Variants in HPS4 observed in about 807,000 individuals in gnomAD.
HPS4 encodes the protein HPS4 biogenesis of lysosomal organelles complex 3 subunit 2.
In HPS4, 44 loss-of-function variants were observed where a neutral mutation model predicts 70.3. That is an observed-to-expected ratio of 0.63 (90% confidence interval 0.49 to 0.80). The LOEUF is 0.80. HPS4 is among the 30% of genes least tolerant of loss of function. HPS4 has a pLI of 0.00. For synonymous variants in HPS4, 377 were observed against 355.9 expected, an observed-to-expected ratio of 1.06 and a Z score of -0.67; for missense variants, 873 against 884.4, an observed-to-expected ratio of 0.99 and a Z score of 0.16.
At chr22:26,479,505 T>C (rs1473290334) in intron 2 of HPS4, 150 bp from the exon 3 acceptor site, 2 of 1,457,464 alleles carry the variant, frequency 1.4e-6, no homozygotes, top group South Asian at 1.5e-5. Flanking sequence ...CCCCAGTAGC[T>C]ACAAATTAGA....
chr22:26,459,154 A>AT (rs1569035547), intron 11 of HPS4, among the ~76,000 whole-genome samples: 1 of 152,200 alleles, frequency 6.6e-6, no homozygotes, highest in Non-Finnish European at 1.5e-5. Flanking sequence ...CCCTCACTGG[A>AT]TGTAACACGG....
intron 11 of HPS4, among the ~76,000 whole-genome samples, chr22:26,460,663 T>A (rs554881077): frequency 6.6e-5 from 10 of 152,236 alleles, no homozygotes; most frequent in Non-Finnish European, 1.3e-4. Flanking sequence ...AGATGCTATG[T>A]CAGATGACAT....
chr22:26,468,615 C>A lies in HPS4; in HGVS notation c.605G>T (p.Ser202Ile), dbSNP rs1371243479. The A allele has an allele frequency of 3.7e-6, 6 of 1,613,804 alleles. No homozygotes were observed. The highest frequency in any genetic ancestry group is 5.1e-6 in the Non-Finnish European group (6 of 1,179,810). Residue 202 changes from serine (S) to isoleucine (I), a missense_variant, in exon 8 of 14, where the codon AGC becomes ATC. Ser to Ile is a moderately radical substitution (Grantham distance 142). Transcript: ENST00000398145. ...GGTGAGGGAGGGCGGGAGTTGGGTG[C>A]TGACAATCCTAGGAGGTCACACACA... ...GCILYKGLIV[S>I]TQLPPSLTAK...
intron 8 of HPS4, 98 bp downstream of exon 8, chr22:26,468,453 C>T (rs1018304739): frequency 3.5e-5 from 37 of 1,049,826 alleles, no homozygotes; most frequent in Non-Finnish European, 5.4e-5. Context: ...AGTGAAACAA[C>T]TGCTCCACGG....
chr22:26,478,555 A>T (rs2090882964), intron 3 of HPS4, among the ~76,000 whole-genome samples: 2 of 120,836 alleles, frequency 1.7e-5, no homozygotes, highest in East Asian at 2.6e-4. Context: ...TGGGTGACAG[A>T]GTGAGCCTCC....
At position 26,464,333 on chromosome 22, in the gene HPS4, T is replaced by C; in HGVS notation, c.1297A>G (p.Met433Val). The change falls in exon 11 of 14, where the codon ATG becomes GTG. Residue 433 changes from methionine to valine, a missense_variant. Met to Val is a conservative substitution (Grantham distance 21, BLOSUM62 1). Transcript: ENST00000398145. ...SSLRPPSAPE[M>V]LTQHGAQEQL... ...TCTTGGGCTCCATGCTGGGTCAGCA[T>C]CTCAGGAGCAGAGGGAGGGCGCAAG... 6.2e-7 allele frequency: 1 copy of C among 1,614,084 alleles called. No homozygotes were observed. Among genetic ancestry groups the C allele is most frequent in the Non-Finnish European group, 8.5e-7 (1 of 1,180,014 alleles).
Position 26,452,906 on chromosome 22 carries a change from C to A in HPS4, c.*327G>T. 3.0e-6 allele frequency: 1 copy of A among 337,126 alleles called. No homozygotes were observed. Among genetic ancestry groups the A allele is most frequent in the Non-Finnish European group, 5.6e-6 (1 of 177,920 alleles). 20.9% of individuals were successfully genotyped at this position (337,126 alleles called of 1,614,324 possible). A position where few individuals can be genotyped will look rare whatever the true frequency, so the allele number is the denominator to read the frequency against. ...AATGCCAACTTGGAAGCTTGTGGCACCAATTCAAGCTGGGATGGAACAGCA... is the reference window on the plus strand; with the variant it reads ...AATGCCAACTTGGAAGCTTGTGGCAACAATTCAAGCTGGGATGGAACAGCA... On this transcript the variant is annotated 3_prime_UTR_variant, in exon 14 of 14. Coordinates refer to ENST00000398145, the MANE Select transcript of HPS4 (RefSeq NM_022081.6).
At chr22:26,483,848 A>G, upstream of HPS4, 1 of 1,303,158 alleles carries the variant, frequency 7.7e-7, no homozygotes, top group Non-Finnish European at 9.7e-7. Context: ...GCGCGCGGCG[A>G]TGACGTGCCG....
chr22:26,454,223 C>A (rs2085686230), intron 13 of HPS4, among the ~76,000 whole-genome samples: 1 of 152,238 alleles, frequency 6.6e-6, no homozygotes, highest in South Asian at 2.1e-4. Flanking sequence ...TTCAGTGTCT[C>A]CTGCACCCAC....
At chr22:26,470,341 C>T (rs2146742679) in intron 7 of HPS4, among the ~76,000 whole-genome samples, 1 of 152,354 alleles carries the variant, frequency 6.6e-6, no homozygotes, top group South Asian at 2.1e-4. Context: ...ACACCAGGGT[C>T]TCTGGGCAGC....
intron 13 of HPS4, chr22:26,453,821 A>C: frequency 3.7e-6 from 1 of 273,732 alleles, no homozygotes; most frequent in South Asian, 3.7e-5. Flanking sequence ...CCTGAGGCTC[A>C]GAGTGAGTAG....
intron 8 of HPS4, chr22:26,468,100 A>G (rs2089039085): frequency 5.7e-6 from 1 of 176,706 alleles, no homozygotes; most frequent in Admixed American, 5.6e-5. Context: ...GATGGGTTTC[A>G]TCATGTTGGC....
chr22:26,443,164 C>T (rs757048347), downstream of HPS4: 64 of 1,613,998 alleles, frequency 4.0e-5, no homozygotes, highest in Middle Eastern at 1.6e-4. Context: ...TCGCAGCGGC[C>T]GAACGGCAGG....
Position 26,464,314 on chromosome 22 carries a change from G to C in HPS4, c.1316C>G (p.Ala439Gly), listed in dbSNP as rs767548244. The C allele has an allele frequency of 6.2e-7, 1 of 1,613,960 alleles. No homozygotes were observed. The highest frequency in any genetic ancestry group is 1.7e-5 in the Admixed American group (1 of 60,006). ...AGGATGGTCTTCGAGCTGCTCTTGG[G>C]CTCCATGCTGGGTCAGCATCTCAGG... Reference protein sequence around the residue: ...SAPEMLTQHGAQEQLEDHPGH... With the variant: ...SAPEMLTQHGGQEQLEDHPGH... The change falls in exon 11 of 14, where the codon GCC becomes GGC. Residue 439 changes from alanine (A) to glycine (G), a missense_variant. Coordinates refer to ENST00000398145, the MANE Select transcript of HPS4 (RefSeq NM_022081.6).
At chr22:26,479,438 C>T (rs1026320498) in intron 2 of HPS4, 83 bp from the exon 3 acceptor site, 8 of 1,565,146 alleles carry the variant, frequency 5.1e-6, no homozygotes, top group East Asian at 2.4e-5. Flanking sequence ...TTTCCCAGCC[C>T]GAGGAGGGCT....
At chr22:26,458,049 G>A (rs771567240) in intron 12 of HPS4, 82 bp from the exon 13 acceptor site, 145 of 1,150,654 alleles carry the variant, frequency 1.3e-4, no homozygotes, top group Admixed American at 1.4e-4. Flanking sequence ...TACTGAACAC[G>A]GGGACTGAGC....
At chr22:26,447,827 G>C (rs551950902), downstream of HPS4, among the ~76,000 whole-genome samples, 1 of 152,096 alleles carries the variant, frequency 6.6e-6, no homozygotes, top group Non-Finnish European at 1.5e-5. Flanking sequence ...AGGCACACAC[G>C]TTGCTTCTAA....
intron 10 of HPS4, among the ~76,000 whole-genome samples, chr22:26,465,069 C>T (rs2088242567): frequency 1.3e-5 from 2 of 152,220 alleles, no homozygotes; most frequent in African/African-American, 2.4e-5. Context: ...ATAAGACTGA[C>T]CCACATCTGG....
rs543213711 is a variant in HPS4, at chr22:26,478,554, G to C, written c.132+711C>G. ...CCACTGCACTCCACCCTGGGTGACA[G>C]AGTGAGCCTCCATCACAAAAAAAAA... On this transcript the variant is annotated intron_variant, in intron 3 of 13. Coordinates refer to ENST00000398145, the MANE Select transcript of HPS4 (RefSeq NM_022081.6). Among the ~76,000 whole-genome samples, 14 of 122,556 alleles carry C rather than the reference G, an allele frequency of 1.1e-4. No individual in the cohort carries two copies. The Admixed American group carries it at 1.2e-3, about 10-fold the overall frequency. The allele number at this position is 122,556 out of a possible 152,430, so 80.4% of individuals were successfully genotyped here.
Sources: allele counts gnomAD v4.1 joint callset (sites outside exome capture counted in the v4.1 genomes callset), GRCh38; gene constraint gnomAD v4.1.1; transcripts MANE v1.5; gene names NCBI Gene and HGNC (gene_info 2026-07-23, HGNC 2026-07-21).